Variants in SNRPF observed in about 807,000 individuals in gnomAD.
SNRPF encodes the protein small nuclear ribonucleoprotein polypeptide F, also known as small nuclear ribonucleoprotein F.
SNRPF carries 1 observed loss-of-function variant against 13.4 expected under a neutral mutation model. That is an observed-to-expected ratio of 0.07 (90% confidence interval 0.03 to 0.35). SNRPF has a LOEUF of 0.35. Among genes scored for constraint, SNRPF ranks in the 10% least tolerant of loss-of-function variants. SNRPF has a pLI of 0.99. For synonymous variants in SNRPF, 27 were observed against 32.1 expected, an observed-to-expected ratio of 0.84 and a Z score of 0.54; for missense variants, 53 against 101.0, an observed-to-expected ratio of 0.52 and a Z score of 2.04.
chr12:95,864,198 A>T (rs58365855), intron 2 of SNRPF, among the ~76,000 whole-genome samples: 1 of 152,132 alleles, frequency 6.6e-6, no homozygotes, highest in Non-Finnish European at 1.5e-5. Flanking sequence ...GTTCATTACC[A>T]TGTTTTTCAT....
intron 1 of SNRPF, among the ~76,000 whole-genome samples, chr12:95,859,997 G>T (rs970574337): frequency 3.3e-5 from 5 of 152,192 alleles, no homozygotes; most frequent in Admixed American, 2.0e-4. Context: ...AGATCACTCC[G>T]AATATGCTCA....
chr12:95,859,552 A>G (rs1565936392), intron 1 of SNRPF, among the ~76,000 whole-genome samples: 1 of 152,234 alleles, frequency 6.6e-6, no homozygotes, highest in Non-Finnish European at 1.5e-5. Context: ...GTTAGACATT[A>G]GAGGCTTAGT....
chr12:95,859,107 G>A (rs2079480407), intron 1 of SNRPF, 31 bp downstream of exon 1: 3 of 1,594,832 alleles, frequency 1.9e-6, no homozygotes, highest in East Asian at 4.5e-5. Context: ...GGGAGAAGCG[G>A]GGAGAAAGAG....
rs2079478376 is a variant in SNRPF at position 95,858,969 on chromosome 12, C to T, written c.-105C>T. The T allele has an allele frequency of 8.3e-6, 13 of 1,559,824 alleles. No individual in the cohort carries two copies. The highest frequency in any genetic ancestry group is 1.1e-5 in the Non-Finnish European group (13 of 1,146,858). ...TCATAGTCCTGTTTGGCGGCCATTTCTCTTGAAACTGCGGCTCGGGACCTG... is the reference window on the plus strand; with the variant it reads ...TCATAGTCCTGTTTGGCGGCCATTTTTCTTGAAACTGCGGCTCGGGACCTG... On this transcript the variant is annotated 5_prime_UTR_variant, in exon 1 of 4. Transcript: ENST00000266735.
chr12:95,860,057 C>G (rs909211624), intron 1 of SNRPF, among the ~76,000 whole-genome samples: 1 of 152,128 alleles, frequency 6.6e-6, no homozygotes, highest in African/African-American at 2.4e-5. Flanking sequence ...CTTTGTTTGA[C>G]TGGTGAGTGA....
intron 1 of SNRPF, among the ~76,000 whole-genome samples, chr12:95,860,581 A>G (rs2079490766): frequency 6.6e-6 from 1 of 152,134 alleles, no homozygotes; most frequent in African/African-American, 2.4e-5. Context: ...TATAAGAGAC[A>G]AGGTCTTGCT....
Position 95,858,978 on chromosome 12 carries a change from C to T in SNRPF, c.-96C>T. 2 of 1,580,558 alleles carry T rather than the reference C, an allele frequency of 1.3e-6. No individual in the cohort carries two copies. Among genetic ancestry groups the T allele is most frequent in the Non-Finnish European group, 1.7e-6 (2 of 1,163,270 alleles). On this transcript the variant is annotated 5_prime_UTR_variant, in exon 1 of 4. Transcript: ENST00000266735. ...TGTTTGGCGGCCATTTCTCTTGAAA[C>T]TGCGGCTCGGGACCTGCGGTACCTG...
chr12:95,860,578 G>C (rs978197874), intron 1 of SNRPF, among the ~76,000 whole-genome samples: 1 of 152,108 alleles, frequency 6.6e-6, no homozygotes, highest in Non-Finnish European at 1.5e-5. Context: ...ATTTATAAGA[G>C]ACAAGGTCTT....
rs986414071 is a variant in SNRPF, at chr12:95,858,986, C to T, written c.-88C>T. On this transcript the variant is annotated 5_prime_UTR_variant, in exon 1 of 4. Coordinates refer to ENST00000266735, the MANE Select transcript of SNRPF (RefSeq NM_003095.5). ...GGCCATTTCTCTTGAAACTGCGGCT[C>T]GGGACCTGCGGTACCTGCTGTAGTC... is the stretch of plus-strand genomic sequence containing the variant. 3 of 1,587,806 alleles carry T rather than the reference C, an allele frequency of 1.9e-6. No homozygotes were observed. The highest frequency in any genetic ancestry group is 1.3e-5 in the African/African-American group (1 of 74,720).
rs954338145 is a variant in SNRPF, at chr12:95,859,122, A to G, written c.3+46A>G. Reference sequence around the variant, plus strand: ...GGGAGAAGCGGGGAGAAAGAGAAGGAGGGAGACCAGCCTCGCGGGGCCTGC... The same window carrying G: ...GGGAGAAGCGGGGAGAAAGAGAAGGGGGGAGACCAGCCTCGCGGGGCCTGC... On this transcript the variant is annotated intron_variant, in intron 1 of 3. Coordinates refer to ENST00000266735, the MANE Select transcript of SNRPF (RefSeq NM_003095.5). 4.5e-6 allele frequency: 7 copies of G among 1,544,964 alleles called. No individual in the cohort carries two copies. In the Admixed American group the frequency reaches 8.5e-5, roughly 19 times the overall value.
chr12:95,865,901 AT>A, intron 3 of SNRPF, 103 bp from the exon 4 acceptor site: 1 of 459,054 alleles, frequency 2.2e-6, no homozygotes. Context: ...AAAGACAAGA[AT>A]ATTATAAATA....
At position 95,861,264 on chromosome 12, in the gene SNRPF, G is replaced by C. The variant is rs1346326783; in HGVS notation, c.100G>C (p.Val34Leu). Residue 34 changes from valine to leucine, a missense_variant, in exon 2 of 4, where the codon GTA (valine) becomes CTA (leucine). By Grantham distance (32) the Val-to-Leu change is conservative. Transcript: ENST00000266735. ...GGGAATGGAGTACAAGGGCTATCTG[G>C]TATCTGTAGATGGCTACATGAACAT... is the stretch of plus-strand genomic sequence containing the variant. Reference protein sequence around the residue: ...KWGMEYKGYLVSVDGYMNMQL... With the variant: ...KWGMEYKGYLLSVDGYMNMQL... 2 of 1,611,798 alleles carry C rather than the reference G, an allele frequency of 1.2e-6. No individual in the cohort carries two copies. The highest frequency in any genetic ancestry group is 1.7e-6 in the Non-Finnish European group (2 of 1,178,678).
At chr12:95,859,119 A>T in intron 1 of SNRPF, 43 bp downstream of exon 1, 1 of 1,564,326 alleles carries the variant, frequency 6.4e-7, no homozygotes, top group Non-Finnish European at 8.8e-7. Flanking sequence ...GAGAAAGAGA[A>T]GGAGGGAGAC....
chr12:95,859,636 A>C (rs567080161), intron 1 of SNRPF, among the ~76,000 whole-genome samples: 120 of 152,300 alleles, frequency 7.9e-4, no homozygotes, highest in African/African-American at 2.7e-3. Context: ...TTTAAAGAGC[A>C]GGAGGAGGAG....
In SNRPF at chr12:95,861,046, A is replaced by G. The variant is rs2079493367; in HGVS notation, c.4-122A>G. 5.2e-6 allele frequency: 4 copies of G among 776,562 alleles called. No homozygotes were observed. The African/African-American group carries it at 7.2e-5, about 14-fold the overall frequency. The allele number at this position is 776,562 out of a possible 1,614,324, so 48.1% of individuals were successfully genotyped here. A position where few individuals can be genotyped will look rare whatever the true frequency, so the allele number is the denominator to read the frequency against. ...AAATAAAAGTGAAAATTATGTACTA[A>G]AATAATAAGGAGTCAAAAGTTTTCT... is the stretch of plus-strand genomic sequence containing the variant. On this transcript the variant is annotated intron_variant, in intron 1 of 3. Transcript: ENST00000266735.
At chr12:95,864,095 C>A (rs1352084217) in intron 2 of SNRPF, among the ~76,000 whole-genome samples, 1 of 152,212 alleles carries the variant, frequency 6.6e-6, no homozygotes, top group East Asian at 1.9e-4. Flanking sequence ...ACTGTCTCAA[C>A]AACCTCGTAT....
rs2079519967 is a variant in SNRPF, at chr12:95,866,088, T to G, written c.*17T>G. 7.9e-7 allele frequency: 1 copy of G among 1,263,286 alleles called. No individual in the cohort carries two copies. Among genetic ancestry groups the G allele is most frequent in the Non-Finnish European group, 1.1e-6 (1 of 885,356 alleles). The allele number at this position is 1,263,286 out of a possible 1,614,324, so 78.3% of individuals were successfully genotyped here. On this transcript the variant is annotated 3_prime_UTR_variant, in exon 4 of 4. Coordinates refer to ENST00000266735, the MANE Select transcript of SNRPF (RefSeq NM_003095.5). ...AGAGAATAGCATCTTTTGTGGGGGA[T>G]TTTTTTTATATATATTTCTAGACAA... is the stretch of plus-strand genomic sequence containing the variant.
chr12:95,862,025 C>A (rs1247373721), intron 2 of SNRPF, among the ~76,000 whole-genome samples: 1 of 152,184 alleles, frequency 6.6e-6, no homozygotes, highest in African/African-American at 2.4e-5. Flanking sequence ...CAATAATTTT[C>A]CATTCCTTCC....
Position 95,859,013 on chromosome 12 carries a change from C to A in SNRPF, c.-61C>A. 6.2e-7 allele frequency: 1 copy of A among 1,606,524 alleles called. No homozygotes were observed. The highest frequency in any genetic ancestry group is 1.1e-5 in the South Asian group (1 of 89,450). On this transcript the variant is annotated 5_prime_UTR_variant, in exon 1 of 4. Coordinates refer to ENST00000266735, the MANE Select transcript of SNRPF (RefSeq NM_003095.5). ...GGACCTGCGGTACCTGCTGTAGTCA[C>A]GAGGGACGGGCGGCGGCCTGGTCGG...
Sources: gnomAD v4.1 joint callset for allele counts (sites outside exome capture counted in the v4.1 genomes callset) on GRCh38, gnomAD v4.1.1 for gene constraint, MANE v1.5 for transcripts, NCBI Gene and HGNC (gene_info 2026-07-23, HGNC 2026-07-21) for gene names.